CEP128: variants seen among roughly 807,000 people sequenced by gnomAD.
CEP128 encodes centrosomal protein 128kDa.
Under a neutral mutation model 156.7 loss-of-function variants are expected in CEP128, and 132 were observed. The ratio of observed to expected loss-of-function variants is 0.84; its 90% CI spans 0.73 to 0.97. The LOEUF (loss-of-function observed/expected upper bound fraction) is 0.97. Among genes scored for constraint, CEP128 ranks in the 50% least tolerant of loss-of-function variants. The pLI is 0.00. For missense variants in CEP128, 1,252 were observed against 1,281.9 expected, an observed-to-expected ratio of 0.98 and a Z score of 0.36; for synonymous variants, 469 against 448.9, an observed-to-expected ratio of 1.04 and a Z score of -0.57.
At chr14:80,619,594 C>T (rs778992246) in intron 19 of CEP128, among the ~76,000 whole-genome samples, 58 of 151,086 alleles carry the variant, frequency 3.8e-4, no homozygotes, top group Non-Finnish European at 6.8e-4. Context: ...CCCAGCTACT[C>T]AGGAGGCTGA....
chr14:80,672,983 A>G (rs1895904623), intron 19 of CEP128, among the ~76,000 whole-genome samples: 1 of 152,196 alleles, frequency 6.6e-6, no homozygotes, highest in Non-Finnish European at 1.5e-5. Flanking sequence ...TTTTGTCTCT[A>G]AGATTTCCAA....
At chr14:80,623,621 A>G (rs1425640309) in intron 19 of CEP128, among the ~76,000 whole-genome samples, 1 of 151,422 alleles carries the variant, frequency 6.6e-6, no homozygotes, top group Non-Finnish European at 1.5e-5. Flanking sequence ...TCATAAAACA[A>G]AAAAAAAGGA....
intron 14 of CEP128, among the ~76,000 whole-genome samples, chr14:80,482,856 C>T (rs1887083640): frequency 6.6e-6 from 1 of 152,172 alleles, no homozygotes; most frequent in East Asian, 1.9e-4. Flanking sequence ...AGACGCTTAG[C>T]CCAAGTAAGA....
Position 80,785,531 on chromosome 14 carries a change from C to T in CEP128, c.1575G>A (p.Lys525=). ...CATACAGCTGGGTTTTCAATTCATC[C>T]TTTTCTTTTAAAATCTATCAGGTTA... ...TGKNNQILKE[K]DELKTQLYAA... is the part of the protein sequence containing the mutation. The change falls in exon 15 of 25, where the codon AAG becomes AAA. Residue 525 remains lysine (K), a synonymous_variant. Coordinates refer to ENST00000555265, the MANE Select transcript of CEP128 (RefSeq NM_152446.5). 1.2e-6 allele frequency: 2 copies of T among 1,603,282 alleles called. No homozygotes were observed. The highest frequency in any genetic ancestry group is 1.7e-6 in the Non-Finnish European group (2 of 1,175,782).
chr14:80,675,512 CTT>C, intron 19 of CEP128, among the ~76,000 whole-genome samples: 1 of 152,138 alleles, frequency 6.6e-6, no homozygotes, highest in Middle Eastern at 3.4e-3. Context: ...GAATTACTAA[CTT>C]GAGATTATGT....
At chr14:80,911,353 A>G (rs974351960) in intron 4 of CEP128, among the ~76,000 whole-genome samples, 14 of 152,158 alleles carry the variant, frequency 9.2e-5, no homozygotes, top group Non-Finnish European at 2.1e-4. Context: ...GTAAAAAATA[A>G]AAAGTAGCCA....
intron 19 of CEP128, among the ~76,000 whole-genome samples, chr14:80,642,760 C>CCT (rs1894471941): frequency 6.9e-6 from 1 of 145,298 alleles, no homozygotes; most frequent in Non-Finnish European, 1.5e-5. Context: ...ACTTGACCCC[C>CCT]TTTTTTTTTT....
intron 19 of CEP128, among the ~76,000 whole-genome samples, chr14:80,687,887 G>A (rs1049172855): frequency 8.5e-5 from 13 of 152,110 alleles, no homozygotes; most frequent in South Asian, 4.2e-4. Context: ...ACATAAAAAC[G>A]TATTAGATTT....
At chr14:80,492,381 TA>T (rs1321311655), downstream of CEP128, among the ~76,000 whole-genome samples, 3 of 152,140 alleles carry the variant, frequency 2.0e-5, no homozygotes, top group Non-Finnish European at 4.4e-5. Flanking sequence ...TTTCATGTAT[TA>T]ATCTCACTAA....
intron 8 of CEP128, among the ~76,000 whole-genome samples, chr14:80,877,693 C>A (rs557774377): frequency 3.3e-5 from 5 of 152,188 alleles, no homozygotes; most frequent in Non-Finnish European, 5.9e-5. Context: ...CTCATCCCCC[C>A]AGTTGGGGTC....
chr14:80,837,084 G>A (rs1886114317), intron 11 of CEP128, among the ~76,000 whole-genome samples: 1 of 152,204 alleles, frequency 6.6e-6, no homozygotes, highest in African/African-American at 2.4e-5. Flanking sequence ...ACCACTGGCT[G>A]CAGAACAAAG....
At chr14:80,859,823 C>T (rs930836544) in intron 9 of CEP128, among the ~76,000 whole-genome samples, 2 of 152,196 alleles carry the variant, frequency 1.3e-5, no homozygotes. Context: ...CCTAAGGACC[C>T]GTGAGATAAC....
chr14:80,512,592 A>G (rs1888310701), intron 23 of CEP128, among the ~76,000 whole-genome samples: 1 of 151,932 alleles, frequency 6.6e-6, no homozygotes, highest in South Asian at 2.1e-4. Context: ...ATTCACTGTT[A>G]TTATTGATAA....
At chr14:80,551,793 TA>T (rs1279988211) in intron 21 of CEP128, among the ~76,000 whole-genome samples, 4 of 152,204 alleles carry the variant, frequency 2.6e-5, no homozygotes. Context: ...AGTATACATC[TA>T]ATTCAGAACA....
chr14:80,521,597 G>T (rs1227232007), intron 23 of CEP128, among the ~76,000 whole-genome samples: 1 of 152,142 alleles, frequency 6.6e-6, no homozygotes, highest in African/African-American at 2.4e-5. Flanking sequence ...CACTTCAAGA[G>T]AATAAACATA....
intron 22 of CEP128, among the ~76,000 whole-genome samples, chr14:80,528,260 T>C (rs934079237): frequency 3.3e-5 from 5 of 152,234 alleles, no homozygotes; most frequent in African/African-American, 1.2e-4. Flanking sequence ...AAAAATGTAA[T>C]GTTTAAATAT....
chr14:80,729,055 GGGGGTGTGT>G (rs1175830223), intron 19 of CEP128, among the ~76,000 whole-genome samples: 10 of 89,930 alleles, frequency 1.1e-4, no homozygotes, highest in Admixed American at 4.8e-4. Context: ...CTGGGCTGGT[GGGGGTGTGT>G]GTGTGTGTGT....
intron 19 of CEP128, among the ~76,000 whole-genome samples, chr14:80,658,948 T>A (rs923350200): frequency 4.6e-5 from 7 of 152,170 alleles, no homozygotes; most frequent in African/African-American, 1.7e-4. Context: ...ACAATGCAAC[T>A]TTTGTTTCAA....
rs890284505 is a variant in CEP128 at position 80,911,110 on chromosome 14, C to T, written c.234+3212G>A. On this transcript the variant is annotated intron_variant, in intron 4 of 24. Coordinates refer to ENST00000555265, the MANE Select transcript of CEP128 (RefSeq NM_152446.5). The stretch of plus-strand genomic sequence containing the variant: ...GAACTCAAAAAGAATGCATATAAAA[C>T]GCAAAAGGATTGACTACACTCCAAC... Among the ~76,000 whole-genome samples the T allele has an allele frequency of 6.6e-5, 10 of 152,090 alleles. No individual in the cohort carries two copies. In the East Asian group the frequency reaches 9.6e-4, roughly 15 times the overall value.
Sources: allele counts gnomAD v4.1 joint callset (sites outside exome capture counted in the v4.1 genomes callset), GRCh38; gene constraint gnomAD v4.1.1; transcripts MANE v1.5; gene names NCBI Gene and HGNC (gene_info 2026-07-23, HGNC 2026-07-21).